Variants in TAFA2 observed in about 807,000 individuals in gnomAD.
The protein encoded by TAFA2 is chemokine-like protein TAFA-2.
TAFA2 carries 7 observed loss-of-function variants against 18.8 expected under a neutral mutation model. The observed-to-expected ratio is 0.37, with a 90% CI of 0.21 to 0.70. The LOEUF (loss-of-function observed/expected upper bound fraction) is 0.70, where lower values mean the gene tolerates loss of function less well. TAFA2 is among the 30% of genes least tolerant of loss of function. The pLI is 0.53. For synonymous variants in TAFA2, 60 were observed against 54.2 expected (o/e 1.11, Z -0.47); for missense variants, 122 against 158.1 (o/e 0.77, Z 1.23).
intron 1 of TAFA2, among the ~76,000 whole-genome samples, chr12:62,238,104 C>T (rs1404515429): frequency 9.2e-5 from 14 of 152,084 alleles, no homozygotes; most frequent in Admixed American, 9.2e-4. Flanking sequence ...GCAAGGGAAC[C>T]CAGGATGGTG....
chr12:61,775,762 T>A (rs1323632225), intron 2 of TAFA2, among the ~76,000 whole-genome samples: 1 of 151,852 alleles, frequency 6.6e-6, no homozygotes, highest in Admixed American at 6.6e-5. Context: ...CCAAAGTTAA[T>A]CCTAATGTAA....
chr12:61,738,329 A>ACACACACAC (rs1555198029), intron 4 of TAFA2, among the ~76,000 whole-genome samples: 2 of 146,740 alleles, frequency 1.4e-5, no homozygotes, highest in South Asian at 2.1e-4. Flanking sequence ...ACACACACAC[A>ACACACACAC]AACCTAGCTC....
chr12:62,126,856 C>G (rs912446004), intron 1 of TAFA2, among the ~76,000 whole-genome samples: 6 of 152,070 alleles, frequency 3.9e-5, no homozygotes, highest in Middle Eastern at 3.4e-3. Context: ...AAAAGTTATG[C>G]CAGTTTTTGA....
intron 1 of TAFA2, among the ~76,000 whole-genome samples, chr12:62,214,601 T>C (rs1271896411): frequency 6.6e-6 from 1 of 152,226 alleles, no homozygotes; most frequent in African/African-American, 2.4e-5. Flanking sequence ...GATAAGATCT[T>C]TTTTAAAGTA....
intron 2 of TAFA2, among the ~76,000 whole-genome samples, chr12:61,766,569 G>A (rs749309696): frequency 3.9e-5 from 6 of 152,020 alleles, no homozygotes; most frequent in Non-Finnish European, 5.9e-5. Flanking sequence ...TCTGTAACGC[G>A]TGTAATTGTC....
At chr12:62,166,006 C>G (rs1351641120) in intron 1 of TAFA2, among the ~76,000 whole-genome samples, 1 of 150,786 alleles carries the variant, frequency 6.6e-6, no homozygotes, top group African/African-American at 2.4e-5. Context: ...CAAAAATGAT[C>G]TGAATTCTGA....
At chr12:62,234,982 C>T (rs2062829985) in intron 1 of TAFA2, 1 of 674,684 alleles carries the variant, frequency 1.5e-6, no homozygotes, top group African/African-American at 1.8e-5. Context: ...AATGTTTCAT[C>T]AGAAGGTACT....
At chr12:62,226,034 C>T (rs1263877250) in intron 1 of TAFA2, among the ~76,000 whole-genome samples, 1 of 152,148 alleles carries the variant, frequency 6.6e-6, no homozygotes, top group Non-Finnish European at 1.5e-5. Flanking sequence ...GGTTTTGCCC[C>T]TCAGGTTATA....
At chr12:61,956,174 G>A (rs1377715064) in intron 1 of TAFA2, among the ~76,000 whole-genome samples, 1 of 151,802 alleles carries the variant, frequency 6.6e-6, no homozygotes, top group Non-Finnish European at 1.5e-5. Flanking sequence ...CCATTTTATT[G>A]CATTCTATTT....
chr12:62,211,720 C>T lies in TAFA2; in HGVS notation c.-130+47043G>A, dbSNP rs997064914. Among the ~76,000 whole-genome samples the T allele has an allele frequency of 2.6e-5, 4 of 152,142 alleles. No homozygotes were observed. The East Asian group carries it at 7.7e-4, about 29-fold the overall frequency. ...CTGAGTCAACCGCTATTGTGAAATC[C>T]TATCTTTTTAGGGTGTCTGCCCAAG... is the stretch of plus-strand genomic sequence containing the variant. On this transcript the variant is annotated intron_variant, in intron 1 of 5. Transcript: ENST00000551619.
chr12:61,940,023 T>C (rs893201585), intron 1 of TAFA2, among the ~76,000 whole-genome samples: 1 of 152,218 alleles, frequency 6.6e-6, no homozygotes, highest in Non-Finnish European at 1.5e-5. Flanking sequence ...TTAAAGCCAA[T>C]AGCCTGGTAC....
intron 1 of TAFA2, among the ~76,000 whole-genome samples, chr12:61,946,201 T>C (rs929476009): frequency 1.3e-5 from 2 of 150,704 alleles, no homozygotes; most frequent in African/African-American, 4.9e-5. Context: ...AAACAAGCAA[T>C]GGGGAAAGGA....
chr12:62,118,571 T>G (rs1298774363), intron 1 of TAFA2, among the ~76,000 whole-genome samples: 2 of 152,140 alleles, frequency 1.3e-5, no homozygotes, highest in African/African-American at 4.8e-5. Context: ...TTGCACCAAT[T>G]TGCCCTCCAG....
Position 61,873,805 on chromosome 12 carries a change from T to G in TAFA2, c.-1-6379A>C, listed in dbSNP as rs545133925. Among the ~76,000 whole-genome samples the G allele has an allele frequency of 1.4e-4, 22 of 152,232 alleles. No homozygotes were observed. In the East Asian group the frequency reaches 3.7e-3, roughly 25 times the overall value. On this transcript the variant is annotated intron_variant, in intron 1 of 4. Transcript: ENST00000416284. Reference sequence around the variant, plus strand: ...TGACACTATGCCTGAATATAGAATATCCAAGTTATTACTGAAATAGCAATT... The same window carrying G: ...TGACACTATGCCTGAATATAGAATAGCCAAGTTATTACTGAAATAGCAATT...
At chr12:62,073,704 C>T (rs1432101063) in intron 1 of TAFA2, among the ~76,000 whole-genome samples, 1 of 151,916 alleles carries the variant, frequency 6.6e-6, no homozygotes, top group Non-Finnish European at 1.5e-5. Flanking sequence ...TGTTAGTATC[C>T]CCTTATTTTT....
chr12:62,078,653 G>A (rs1046291208), intron 1 of TAFA2, among the ~76,000 whole-genome samples: 8 of 152,206 alleles, frequency 5.3e-5, no homozygotes, highest in African/African-American at 1.2e-4. Flanking sequence ...TCCTTTTCTC[G>A]CTTCAGCTTC....
chr12:61,867,265 T>C (rs1232178907), intron 2 of TAFA2, 55 bp downstream of exon 2: 7 of 1,098,162 alleles, frequency 6.4e-6, no homozygotes, highest in Non-Finnish European at 8.2e-6. Flanking sequence ...TAACAGTCTG[T>C]GTTAAGGGTA....
At chr12:61,975,732 C>G (rs1156885336) in intron 1 of TAFA2, among the ~76,000 whole-genome samples, 1 of 151,666 alleles carries the variant, frequency 6.6e-6, no homozygotes, top group Admixed American at 6.6e-5. Context: ...GATGATTATC[C>G]CCTTTGAGGT....
Position 62,189,513 on chromosome 12 carries a change from T to A in TAFA2, c.-2+1746A>T, listed in dbSNP as rs187434137. ...TAAGGAAAGAGACAAACATGTCTGA[T>A]CTTTTATTTGAAATATAGGATGTTA... On this transcript the variant is annotated intron_variant, in intron 1 of 4. Transcript: ENST00000416284. Among the ~76,000 whole-genome samples, 8 of 152,352 alleles carry A rather than the reference T, an allele frequency of 5.3e-5. No homozygotes were observed. The East Asian group carries it at 1.5e-3, about 29-fold the overall frequency.
Sources: gnomAD v4.1 joint callset for allele counts (sites outside exome capture counted in the v4.1 genomes callset) on GRCh38, gnomAD v4.1.1 for gene constraint, MANE v1.5 for transcripts, NCBI Gene and HGNC (gene_info 2026-07-23, HGNC 2026-07-21) for gene names.